DHX8: variants seen among roughly 807,000 people sequenced by gnomAD.
DHX8 encodes DEAH-box helicase 8, also known as ATP-dependent RNA helicase DHX8.
In DHX8, 67 loss-of-function variants were observed where a neutral mutation model predicts 140.7. The observed-to-expected ratio is 0.48, with a 90% CI of 0.39 to 0.58. DHX8 has a LOEUF of 0.58. Ranked by LOEUF, DHX8 falls within the 20% of genes least tolerant of loss-of-function variation. The pLI is 0.00. For missense variants in DHX8, 887 were observed against 1,550.7 expected, an observed-to-expected ratio of 0.57 and a Z score of 7.19; for synonymous variants, 533 against 553.2, an observed-to-expected ratio of 0.96 and a Z score of 0.51.
intron 4 of DHX8, 136 bp downstream of exon 4, chr17:43,491,386 C>T (rs1019670382): frequency 1.8e-5 from 8 of 449,008 alleles, no homozygotes; most frequent in Non-Finnish European, 2.8e-5. Flanking sequence ...TTTGATCACT[C>T]CCTGAGCATG....
chr17:43,505,849 A>C (rs1043411954), intron 12 of DHX8, among the ~76,000 whole-genome samples: 1 of 152,082 alleles, frequency 6.6e-6, no homozygotes, highest in African/African-American at 2.4e-5. Flanking sequence ...GAATCCTTTC[A>C]ACAATATCTT....
At chr17:43,504,555 G>A (rs1969385784) in intron 11 of DHX8, 89 bp from the exon 12 acceptor site, 5 of 1,303,796 alleles carry the variant, frequency 3.8e-6, no homozygotes, top group African/African-American at 3.0e-5. Flanking sequence ...GATGCTGCAT[G>A]TGCAGTGCCC....
At chr17:43,507,430 G>T in intron 13 of DHX8, 73 bp from the exon 14 acceptor site, 10 of 1,402,130 alleles carry the variant, frequency 7.1e-6, no homozygotes, top group Non-Finnish European at 8.8e-6. Context: ...GAGTGACTGG[G>T]CTGAAATCTT....
chr17:43,528,723 C>T (rs759729889), downstream of DHX8: 1 of 1,614,126 alleles, frequency 6.2e-7, no homozygotes, highest in South Asian at 1.1e-5. Flanking sequence ...CAAACTTGTA[C>T]ACGTAACGCT....
chr17:43,507,136 T>C lies in DHX8; in HGVS notation c.1862T>C (p.Val621Ala). ...ATTGGGTGTACCCAGCCCAGAAGAGTGGCAGCTATGTCGGTGGCCAAAAGA... is the reference window on the plus strand; with the variant it reads ...ATTGGGTGTACCCAGCCCAGAAGAGCGGCAGCTATGTCGGTGGCCAAAAGA... ...GKIGCTQPRR[V>A]AAMSVAKRVS... Residue 621 changes from valine (V) to alanine (A), a missense_variant, in exon 13 of 23, where the codon GTG becomes GCG. Val to Ala is a moderately conservative substitution (Grantham distance 64). Coordinates refer to ENST00000262415, the MANE Select transcript of DHX8 (RefSeq NM_004941.3). 6.2e-7 allele frequency: 1 copy of C among 1,613,692 alleles called. No homozygotes were observed. Among genetic ancestry groups the C allele is most frequent in the Non-Finnish European group, 8.5e-7 (1 of 1,179,958 alleles).
intron 19 of DHX8, 66 bp downstream of exon 19, chr17:43,520,333 G>A (rs998389221): frequency 1.1e-5 from 18 of 1,580,042 alleles, no homozygotes; most frequent in Admixed American, 1.8e-5. Context: ...CACATCCTTC[G>A]GTCTGTACAA....
rs1381171252 is a variant in DHX8, at chr17:43,517,272, G to A, written c.2749G>A (p.Val917Met). The A allele has an allele frequency of 6.2e-7, 1 of 1,613,904 alleles. No individual in the cohort carries two copies. Residue 917 changes from valine to methionine, a missense_variant, in exon 18 of 23, where the codon GTG becomes ATG. This residue lies in a region of DHX8 where 151 missense variants were observed against 388.3 expected (regional missense o/e 0.39). Coordinates refer to ENST00000262415, the MANE Select transcript of DHX8 (RefSeq NM_004941.3). ...CCGAGATGAAATGCTGACCACCAAC[G>A]TGCCGGAAATCCAGAGAACCAACTT... The part of the protein sequence containing the change: ...AYRDEMLTTN[V>M]PEIQRTNLAS...
intron 2 of DHX8, among the ~76,000 whole-genome samples, chr17:43,531,880 T>G (rs552417010): frequency 5.9e-5 from 9 of 152,332 alleles, no homozygotes; most frequent in African/African-American, 1.9e-4. Context: ...TTCCCAACTC[T>G]GCACACTCGT....
chr17:43,497,270 TTCAC>T (rs150654347), intron 9 of DHX8, among the ~76,000 whole-genome samples: 33,439 of 151,878 alleles, frequency 0.22, 3,879 homozygotes, highest in East Asian at 0.32. Context: ...ATATTGGTAT[TTCAC>T]TCACTTTTAT....
intron 2 of DHX8, chr17:43,532,718 C>G: frequency 6.2e-7 from 1 of 1,614,030 alleles, no homozygotes; most frequent in East Asian, 2.2e-5. Flanking sequence ...GATCACCACC[C>G]CCGCCCCTGG....
chr17:43,534,941 CTAAA>C (rs1006619201), intron 2 of DHX8, among the ~76,000 whole-genome samples: 8 of 152,200 alleles, frequency 5.3e-5, no homozygotes, highest in African/African-American at 1.7e-4. Context: ...AACTCTGTCT[CTAAA>C]TAAATAAATA....
chr17:43,537,137 G>A (rs1305120671), intron 3 of DHX8, among the ~76,000 whole-genome samples: 5 of 152,184 alleles, frequency 3.3e-5, no homozygotes, highest in African/African-American at 1.2e-4. Flanking sequence ...AAGTCAAGGC[G>A]GGTGGATCAC....
intron 2 of DHX8, among the ~76,000 whole-genome samples, chr17:43,535,640 T>C (rs1417777578): frequency 2.0e-5 from 3 of 152,152 alleles, no homozygotes; most frequent in East Asian, 3.8e-4. Flanking sequence ...TTATTAATAA[T>C]ATTGTAAGGA....
intron 3 of DHX8, among the ~76,000 whole-genome samples, chr17:43,539,209 C>G (rs897542030): frequency 6.6e-6 from 1 of 152,232 alleles, no homozygotes; most frequent in Non-Finnish European, 1.5e-5. Context: ...GCCTACCTCT[C>G]TGACCTGCCT....
At chr17:43,511,029 A>G (rs1196691102) in intron 16 of DHX8, among the ~76,000 whole-genome samples, 1 of 152,060 alleles carries the variant, frequency 6.6e-6, no homozygotes, top group Non-Finnish European at 1.5e-5. Flanking sequence ...TTATCCATTT[A>G]TCAGTTGATG....
At chr17:43,509,309 G>A (rs1215227295) in intron 16 of DHX8, among the ~76,000 whole-genome samples, 1 of 152,190 alleles carries the variant, frequency 6.6e-6, no homozygotes, top group South Asian at 2.1e-4. Flanking sequence ...GCCTGGAGAC[G>A]AGCAAGTAGG....
chr17:43,521,949 A>T, intron 21 of DHX8, 98 bp from the exon 22 acceptor site: 1 of 1,330,734 alleles, frequency 7.5e-7, no homozygotes, highest in Non-Finnish European at 1.1e-6. Flanking sequence ...CCTGGTGACT[A>T]CTCTGGGCAC....
chr17:43,544,781 A>G, downstream of DHX8: 1 of 555,468 alleles, frequency 1.8e-6, no homozygotes, highest in Non-Finnish European at 3.3e-6. Flanking sequence ...TAGAGAAAAT[A>G]AATATCAATA....
intron 2 of DHX8, among the ~76,000 whole-genome samples, chr17:43,535,602 A>G (rs371177411): frequency 2.6e-5 from 4 of 152,214 alleles, no homozygotes; most frequent in African/African-American, 9.6e-5. Context: ...CAACAGTGGC[A>G]CTACTGACCT....
Sources: allele counts gnomAD v4.1 joint callset (sites outside exome capture counted in the v4.1 genomes callset), GRCh38; gene constraint gnomAD v4.1.1; regional missense constraint gnomAD v4.1.1; transcripts MANE v1.5; gene names NCBI Gene and HGNC (gene_info 2026-07-23, HGNC 2026-07-21).